The following SIK2 variants were observed in gnomAD, a reference collection of about 807,000 sequenced individuals.
The protein encoded by SIK2 is salt inducible kinase 2, also known as serine/threonine-protein kinase SIK2.
SIK2 carries 29 observed loss-of-function variants against 103.2 expected under a neutral mutation model. The observed-to-expected ratio is 0.28, with a 90% CI of 0.21 to 0.38. The LOEUF (loss-of-function observed/expected upper bound fraction) is 0.38, where lower values mean the gene tolerates loss of function less well. Among genes scored for constraint, SIK2 ranks in the 10% least tolerant of loss-of-function variants. SIK2 has a pLI of 1.00. For synonymous variants in SIK2, 412 were observed against 446.1 expected (o/e 0.92, Z 0.96); for missense variants, 879 against 1,171.0 (o/e 0.75, Z 3.64).
intron 3 of SIK2, among the ~76,000 whole-genome samples, chr11:111,686,028 A>G (rs1942841298): frequency 6.6e-6 from 1 of 152,222 alleles, no homozygotes; most frequent in Admixed American, 6.5e-5. Flanking sequence ...CAGCTTTCTC[A>G]TCTATAAAAT....
At chr11:111,706,721 G>A (rs552896206) in intron 8 of SIK2, among the ~76,000 whole-genome samples, 95 of 152,010 alleles carry the variant, frequency 6.2e-4, no homozygotes, top group Non-Finnish European at 1.1e-3. Flanking sequence ...CAGCACTTTG[G>A]GAGGCTGAGG....
At position 111,653,480 on chromosome 11, in the gene SIK2, G is replaced by C. The variant is rs555055208; in HGVS notation, c.316+33078G>C. ...TCTTCCAACAGAAGGCAAGAAAAGA[G>C]AAGATCCAAGAAGATGGACAGTGAG... On this transcript the variant is annotated intron_variant, in intron 3 of 14. Transcript: ENST00000304987. Among the ~76,000 whole-genome samples the C allele has an allele frequency of 2.6e-5, 4 of 152,306 alleles. No individual in the cohort carries two copies. The East Asian group carries it at 7.7e-4, about 29-fold the overall frequency.
chr11:111,606,663 A>G (rs539693), intron 1 of SIK2, among the ~76,000 whole-genome samples: 90,440 of 152,010 alleles, frequency 0.59, 30,058 homozygotes, highest in East Asian at 0.96. Flanking sequence ...TTTTGTGCCT[A>G]TAACTGAGTG....
intron 3 of SIK2, among the ~76,000 whole-genome samples, chr11:111,649,202 AGCGTTGTGTT>A (rs1942296816): frequency 6.6e-6 from 1 of 152,154 alleles, no homozygotes; most frequent in Non-Finnish European, 1.5e-5. Context: ...CTGTGAGTAC[AGCGTTGTGTT>A]GATCCTTGCA....
At position 111,640,991 on chromosome 11, in the gene SIK2, C is replaced by T. The variant is rs112016397; in HGVS notation, c.316+20589C>T. Among the ~76,000 whole-genome samples the T allele has an allele frequency of 6.1e-3, 933 of 152,168 alleles. 9 individuals are homozygous for T. The highest frequency in any genetic ancestry group is 0.021 in the African/African-American group (869 of 41,520). ...ATTTGTAGGCATAAAGTTACAAACT[C>T]GGTGCCAGTATAGCATCTGGTAAAG... On this transcript the variant is annotated intron_variant, in intron 3 of 14. Coordinates refer to ENST00000304987, the MANE Select transcript of SIK2 (RefSeq NM_015191.3).
chr11:111,653,626 C>G (rs764069116), intron 3 of SIK2, among the ~76,000 whole-genome samples: 1 of 152,174 alleles, frequency 6.6e-6, no homozygotes, highest in South Asian at 2.1e-4. Context: ...CAGATATGAA[C>G]GTGCATATTG....
rs186096633 is a variant in SIK2, at chr11:111,712,884, G to A, written c.1266+509G>A. 6.5e-3 allele frequency among the ~76,000 whole-genome samples: 997 copies of A among 152,290 alleles called. 8 individuals are homozygous for A. The highest frequency in any genetic ancestry group is 0.054 in the Middle Eastern group (16 of 294). On this transcript the variant is annotated intron_variant, in intron 9 of 14. Transcript: ENST00000304987. ...AAATGTTTAAAAGTTAATGTGCTGG[G>A]CCAGGCACAGTGGCTCAAGCCTGTA...
At chr11:111,652,161 A>G (rs181673407) in intron 3 of SIK2, among the ~76,000 whole-genome samples, 3 of 152,350 alleles carry the variant, frequency 2.0e-5, no homozygotes, top group African/African-American at 4.8e-5. Context: ...ACATACATAT[A>G]TATACACATA....
Position 111,712,275 on chromosome 11 carries a change from T to C in SIK2, c.1166T>C (p.Leu389Pro). Residue 389 changes from leucine (L) to proline (P), a missense_variant, in exon 9 of 15, where the codon CTC (leucine) becomes CCC (proline). By Grantham distance (98) the Leu-to-Pro change is moderately conservative. Transcript: ENST00000304987. ...AACATGAGGCTGCTGCGATCTGCCCTCCTCCCCCAGGCATCCAACGTGGAG... is the reference window on the plus strand; with the variant it reads ...AACATGAGGCTGCTGCGATCTGCCCCCCTCCCCCAGGCATCCAACGTGGAG... Reference protein sequence around the residue: ...SPNMRLLRSALLPQASNVEAF... With the variant: ...SPNMRLLRSAPLPQASNVEAF... The C allele has an allele frequency of 6.2e-7, 1 of 1,614,198 alleles. No individual in the cohort carries two copies. Among genetic ancestry groups the C allele is most frequent in the South Asian group, 1.1e-5 (1 of 91,088 alleles).
intron 1 of SIK2, among the ~76,000 whole-genome samples, chr11:111,607,182 G>A (rs778660028): frequency 1.1e-4 from 16 of 152,042 alleles, no homozygotes; most frequent in Non-Finnish European, 2.2e-4. Context: ...TATTAAAATG[G>A]CATGTGGGTG....
intron 3 of SIK2, among the ~76,000 whole-genome samples, chr11:111,634,052 C>T (rs1049248146): frequency 2.0e-5 from 3 of 152,142 alleles, no homozygotes; most frequent in African/African-American, 4.8e-5. Context: ...ACAATTTGGG[C>T]GCTGTTCAAA....
chr11:111,621,566 G>A (rs566898019), intron 3 of SIK2, among the ~76,000 whole-genome samples: 4 of 151,988 alleles, frequency 2.6e-5, no homozygotes, highest in South Asian at 4.2e-4. Flanking sequence ...ATGTACATTC[G>A]TATACAAGTC....
At chr11:111,675,448 T>C (rs528425310) in intron 3 of SIK2, among the ~76,000 whole-genome samples, 1 of 152,368 alleles carries the variant, frequency 6.6e-6, no homozygotes, top group East Asian at 1.9e-4. Flanking sequence ...TCCTCTGTGA[T>C]TTCTAGGTGA....
At chr11:111,710,336 C>G (rs907373386) in intron 8 of SIK2, among the ~76,000 whole-genome samples, 1 of 152,108 alleles carries the variant, frequency 6.6e-6, no homozygotes, top group Non-Finnish European at 1.5e-5. Context: ...CAGTTGTTTA[C>G]TTGTTTGTTT....
intron 3 of SIK2, among the ~76,000 whole-genome samples, chr11:111,645,860 TG>T (rs1942248913): frequency 6.6e-6 from 1 of 151,196 alleles, no homozygotes; most frequent in South Asian, 2.1e-4. Context: ...GGACTCCCTG[TG>T]GGGGCGAGAG....
At position 111,720,566 on chromosome 11, in the gene SIK2, T is replaced by C. The variant is rs773578194; in HGVS notation, c.1584T>C (p.Phe528=). ...GGTCTGTTCAGAGGGACCTGAACTT[T>C]CTGGAAGACAACCCTTCCCTTAAGG... The part of the protein sequence containing the change: ...DMGSVQRDLN[F]LEDNPSLKDI... Residue 528 remains phenylalanine, a synonymous_variant, in exon 11 of 15, where the codon TTT becomes TTC. Coordinates refer to ENST00000304987, the MANE Select transcript of SIK2 (RefSeq NM_015191.3). The C allele has an allele frequency of 6.2e-6, 10 of 1,614,060 alleles. No homozygotes were observed. Among genetic ancestry groups the C allele is most frequent in the South Asian group, 1.1e-5 (1 of 91,084 alleles).
At chr11:111,606,486 A>G (rs1465725450) in intron 1 of SIK2, among the ~76,000 whole-genome samples, 1 of 152,050 alleles carries the variant, frequency 6.6e-6, no homozygotes, top group African/African-American at 2.4e-5. Context: ...ACTTAATATT[A>G]TAACCTAGGC....
At chr11:111,609,652 T>A (rs929454981) in intron 1 of SIK2, among the ~76,000 whole-genome samples, 1 of 152,364 alleles carries the variant, frequency 6.6e-6, no homozygotes, top group Non-Finnish European at 1.5e-5. Flanking sequence ...GAATTTATTA[T>A]TTGAATAATT....
Position 111,688,140 on chromosome 11 carries a change from C to A in SIK2, c.456C>A (p.Asn152Lys). ...AAGCTGAAAATCTCCTGCTGGATAACAACATGAATATCAAAATAGCAGGTA... is the reference window on the plus strand; with the variant it reads ...AAGCTGAAAATCTCCTGCTGGATAAAAACATGAATATCAAAATAGCAGGTA... ...DLKAENLLLD[N>K]NMNIKIADFG... Residue 152 changes from asparagine (N) to lysine (K), a missense_variant, in exon 4 of 15, where the codon AAC (asparagine) becomes AAA (lysine). By Grantham distance (94) the Asn-to-Lys change is moderately conservative. Coordinates refer to ENST00000304987, the MANE Select transcript of SIK2 (RefSeq NM_015191.3). This position sits in a 1 kb window ranked among gnomAD's most constrained non-coding sequence, Gnocchi z 4.2. 6.2e-7 allele frequency: 1 copy of A among 1,614,064 alleles called. No homozygotes were observed. The highest frequency in any genetic ancestry group is 8.5e-7 in the Non-Finnish European group (1 of 1,180,022).
Sources: gnomAD v4.1 joint callset for allele counts (sites outside exome capture counted in the v4.1 genomes callset) on GRCh38, gnomAD v4.1.1 for gene constraint, Gnocchi (gnomAD v3.1) non-coding constraint, MANE v1.5 for transcripts, NCBI Gene and HGNC (gene_info 2026-07-23, HGNC 2026-07-21) for gene names.